USP32: variants seen among roughly 807,000 people sequenced by gnomAD.
USP32 encodes ubiquitin carboxyl-terminal hydrolase 32.
A neutral mutation model predicts 204.8 loss-of-function variants in USP32; 59 were observed. The ratio of observed to expected loss-of-function variants is 0.29; its 90% CI spans 0.23 to 0.36. The LOEUF is 0.36. USP32 is among the 10% of genes least tolerant of loss of function. The pLI, the probability that USP32 is intolerant of heterozygous loss-of-function variation, is 1.00. For synonymous variants in USP32, 517 were observed against 678.4 expected (o/e 0.76, Z 3.70); for missense variants, 1,160 against 1,946.4 (o/e 0.60, Z 7.60).
intron 1 of USP32, among the ~76,000 whole-genome samples, chr17:60,349,613 ATATATATATAT>A (rs1391828715): frequency 1.7e-3 from 120 of 71,686 alleles, no homozygotes; most frequent in African/African-American, 0.011. Flanking sequence ...ATATATATAT[ATATATATATAT>A]TATATATATA....
At chr17:60,356,822 T>C (rs1319931284) in intron 1 of USP32, among the ~76,000 whole-genome samples, 1 of 152,126 alleles carries the variant, frequency 6.6e-6, no homozygotes, top group African/African-American at 2.4e-5. Flanking sequence ...AGAAACTGTC[T>C]GTAGGCAAGT....
At chr17:60,382,831 T>A (rs2089668134) in intron 1 of USP32, among the ~76,000 whole-genome samples, 1 of 152,224 alleles carries the variant, frequency 6.6e-6, no homozygotes. Context: ...CAAGTGTTCA[T>A]AAGTACAATA....
chr17:60,363,497 G>A lies in USP32; in HGVS notation c.59-17889C>T, dbSNP rs1329338915. Among the ~76,000 whole-genome samples, 6 of 146,638 alleles carry A rather than the reference G, an allele frequency of 4.1e-5. No homozygotes were observed. The East Asian group carries it at 1.2e-3, about 30-fold the overall frequency. On this transcript the variant is annotated intron_variant, in intron 1 of 33. Coordinates refer to ENST00000300896, the MANE Select transcript of USP32 (RefSeq NM_032582.4). ...AGCGCCACTGCACTCCAGCCTGGGT[G>A]ACAGAGCAAGACTCTGTCTCAAAAA...
At chr17:60,376,652 T>C (rs958870823) in intron 1 of USP32, among the ~76,000 whole-genome samples, 1 of 152,028 alleles carries the variant, frequency 6.6e-6, no homozygotes. Flanking sequence ...GCCTCCCAAG[T>C]AGCTGGGATT....
chr17:60,268,668 T>C (rs994406971), intron 7 of USP32, among the ~76,000 whole-genome samples: 2 of 151,492 alleles, frequency 1.3e-5, no homozygotes, highest in Non-Finnish European at 2.9e-5. Flanking sequence ...TTTGAAATAG[T>C]GGTATAACAA....
chr17:60,281,700 A>G (rs2086971582), intron 5 of USP32, among the ~76,000 whole-genome samples: 1 of 152,182 alleles, frequency 6.6e-6, no homozygotes, highest in South Asian at 2.1e-4. Context: ...GGTTAAATCT[A>G]TTTCCCACAG....
At chr17:60,310,932 T>C (rs1387897721) in intron 2 of USP32, among the ~76,000 whole-genome samples, 8 of 151,990 alleles carry the variant, frequency 5.3e-5, no homozygotes, top group African/African-American at 1.9e-4. Flanking sequence ...CACTCATATG[T>C]AGGAGCTAAA....
At chr17:60,413,627 A>G (rs998754551) in intron 1 of USP32, among the ~76,000 whole-genome samples, 10 of 152,078 alleles carry the variant, frequency 6.6e-5, no homozygotes, top group African/African-American at 2.2e-4. Context: ...GCACTTTGGG[A>G]GGCCAAGGTG....
At position 60,288,637 on chromosome 17, in the gene USP32, T is replaced by G; in HGVS notation, c.457A>C (p.Asn153His). The change falls in exon 5 of 34, where the codon AAC becomes CAC. Residue 153 changes from asparagine (N) to histidine (H), a missense_variant. Physicochemically the swap from Asn to His is moderately conservative, Grantham distance 68 (BLOSUM62 1). Around this residue, in one of 8 missense-constraint regions of USP32, gnomAD observed 536 missense variants for 680.9 expected, o/e 0.79. Transcript: ENST00000300896. ...CGAGAGAAAGTAAAAGCATCTTTGT[T>G]TAGAAAAAGCCAATTTCTAAACTTT... ...YEKFRNWLFL[N>H]KDAFTFSRWL... The G allele has an allele frequency of 6.2e-7, 1 of 1,612,910 alleles. No individual in the cohort carries two copies. The highest frequency in any genetic ancestry group is 8.5e-7 in the Non-Finnish European group (1 of 1,179,586).
chr17:60,419,649 C>T (rs2090090808), intron 1 of USP32, among the ~76,000 whole-genome samples: 2 of 149,884 alleles, frequency 1.3e-5, no homozygotes, highest in Admixed American at 1.3e-4. Context: ...AAGAGAATGG[C>T]GTGAACCCGG....
chr17:60,371,419 C>T (rs886091651), intron 1 of USP32, among the ~76,000 whole-genome samples: 1 of 151,732 alleles, frequency 6.6e-6, no homozygotes, highest in African/African-American at 2.4e-5. Flanking sequence ...ATACAAAAAT[C>T]AGCCAGGTGC....
chr17:60,304,105 C>T (rs1298838951), intron 2 of USP32, among the ~76,000 whole-genome samples: 3 of 151,864 alleles, frequency 2.0e-5, no homozygotes, highest in Non-Finnish European at 4.4e-5. Flanking sequence ...ATCCCAAAAA[C>T]CAACTAGACA....
chr17:60,233,701 T>C (rs935141069), intron 12 of USP32, among the ~76,000 whole-genome samples: 4 of 152,218 alleles, frequency 2.6e-5, no homozygotes, highest in African/African-American at 4.8e-5. Context: ...AATTAAAACA[T>C]GTTCAGAGGA....
In USP32 at chr17:60,269,468, G is replaced by A. The variant is rs764361669; in HGVS notation, c.793C>T (p.Leu265=). 1.9e-6 allele frequency: 3 copies of A among 1,608,170 alleles called. No homozygotes were observed. Among genetic ancestry groups the A allele is most frequent in the Middle Eastern group, 1.6e-4 (1 of 6,074 alleles). The change falls in exon 7 of 34, where the codon CTG becomes TTG. Residue 265 remains leucine, a synonymous_variant. Coordinates refer to ENST00000300896, the MANE Select transcript of USP32 (RefSeq NM_032582.4). The part of the protein sequence containing the change: ...CGLSACCRGP[L]AERQKFCFKV... ...CACTTACATTTTTGTCTTTCAGCCA[G>A]GGGTCCCCTGCAACAGGCTGATAAC...
intron 4 of USP32, among the ~76,000 whole-genome samples, chr17:60,292,888 A>T (rs1367093629): frequency 6.6e-6 from 1 of 152,172 alleles, no homozygotes; most frequent in Non-Finnish European, 1.5e-5. Flanking sequence ...CCTATAGGAC[A>T]ATATATAATC....
chr17:60,365,488 T>A (rs1186688794), intron 1 of USP32, among the ~76,000 whole-genome samples: 3 of 151,052 alleles, frequency 2.0e-5, no homozygotes, highest in African/African-American at 4.9e-5. Flanking sequence ...TCTCAAAAAA[T>A]AAATAAATAA....
In USP32 at chr17:60,183,210, T is replaced by C. The variant is rs377659284; in HGVS notation, c.4078A>G (p.Lys1360Glu). ...TTAGCGCTGAGTGAGGATGGGCTTT[T>C]GCTCAGGAGCACGTCCTCTTCCCCA... ...SAGEEDVLLS[K>E]SPSSLSANII... Residue 1360 changes from lysine (K) to glutamate (E), a missense_variant, in exon 31 of 34, where the codon AAA (lysine) becomes GAA (glutamate). Physicochemically the swap from Lys to Glu is moderately conservative, Grantham distance 56. Around this residue, in one of 8 missense-constraint regions of USP32, gnomAD observed 244 missense variants for 342.3 expected, o/e 0.71. Coordinates refer to ENST00000300896, the MANE Select transcript of USP32 (RefSeq NM_032582.4). The C allele has an allele frequency of 2.5e-6, 4 of 1,613,888 alleles. No homozygotes were observed. The highest frequency in any genetic ancestry group is 3.4e-6 in the Non-Finnish European group (4 of 1,179,870).
At chr17:60,276,024 A>T (rs1440213625) in intron 5 of USP32, among the ~76,000 whole-genome samples, 1 of 152,174 alleles carries the variant, frequency 6.6e-6, no homozygotes, top group Non-Finnish European at 1.5e-5. Flanking sequence ...ACTAGATTGT[A>T]ATCGCCTGAT....
chr17:60,264,574 TG>T (rs1225602105), intron 9 of USP32, among the ~76,000 whole-genome samples: 2 of 150,902 alleles, frequency 1.3e-5, no homozygotes, highest in Non-Finnish European at 3.0e-5. Flanking sequence ...ATAGATGTAC[TG>T]GCCAGGCGCA....
Sources: gnomAD v4.1 joint callset for allele counts (sites outside exome capture counted in the v4.1 genomes callset) on GRCh38, gnomAD v4.1.1 for gene constraint, gnomAD v4.1.1 regional missense constraint, MANE v1.5 for transcripts, NCBI Gene and HGNC (gene_info 2026-07-23, HGNC 2026-07-21) for gene names.